GFM2: variants seen among roughly 807,000 people sequenced by gnomAD.
The protein encoded by GFM2 is ribosome-releasing factor 2, mitochondrial.
In GFM2, 72 loss-of-function variants were observed where a neutral mutation model predicts 95.4. That is an observed-to-expected ratio of 0.76 (90% CI 0.62 to 0.92). The LOEUF is 0.92. Ranked by LOEUF, GFM2 falls within the 40% of genes least tolerant of loss-of-function variation. The pLI, the probability that GFM2 is intolerant of heterozygous loss-of-function variation, is 0.00. For missense variants in GFM2, 825 were observed against 924.1 expected (o/e 0.89, Z 1.39); for synonymous variants, 276 against 317.5 (o/e 0.87, Z 1.39).
At chr5:74,752,078 A>G (rs1743745512) in intron 5 of GFM2, among the ~76,000 whole-genome samples, 2 of 152,280 alleles carry the variant, frequency 1.3e-5, no homozygotes, top group South Asian at 4.1e-4. Context: ...ATCCAATATT[A>G]AATTATCCTT....
Position 74,722,511 on chromosome 5 carries a change from C to A in GFM2, c.2079G>T (p.Glu693Asp). ...TGAGATAATCTCTAGCTACTGTAACCTCAAGATTCATCAGAGGCTCCAAAA... is the reference window on the plus strand; with the variant it reads ...TGAGATAATCTCTAGCTACTGTAACATCAAGATTCATCAGAGGCTCCAAAA... Reference protein sequence around the residue: ...KQVLEPLMNLEVTVARDYLSP... With the variant: ...KQVLEPLMNLDVTVARDYLSP... Residue 693 changes from glutamate (E) to aspartate (D), a missense_variant, in exon 20 of 21, where the codon GAG (glutamate) becomes GAT (aspartate). By Grantham distance (45) the Glu-to-Asp change is conservative. Transcript: ENST00000296805. 6.2e-7 allele frequency: 1 copy of A among 1,613,934 alleles called. No homozygotes were observed. The highest frequency in any genetic ancestry group is 8.5e-7 in the Non-Finnish European group (1 of 1,179,914).
At chr5:74,758,974 C>A in intron 4 of GFM2, 28 bp from the exon 5 acceptor site, 1 of 1,454,650 alleles carries the variant, frequency 6.9e-7, no homozygotes, top group South Asian at 1.1e-5. Context: ...ATAAGGTAAA[C>A]TTTACTAAAA....
intron 10 of GFM2, among the ~76,000 whole-genome samples, chr5:74,742,613 T>A (rs1743167866): frequency 6.6e-6 from 1 of 152,216 alleles, no homozygotes; most frequent in Non-Finnish European, 1.5e-5. Context: ...ATCCACTAAT[T>A]TAAAGGAAAA....
intron 4 of GFM2, 132 bp downstream of exon 4, chr5:74,759,237 T>G (rs910789887): frequency 1.5e-6 from 1 of 656,276 alleles, no homozygotes; most frequent in East Asian, 2.6e-5. Flanking sequence ...TAAGATACAT[T>G]ATCAACATCT....
At chr5:74,739,858 T>C (rs1247813928) in intron 12 of GFM2, 131 bp downstream of exon 12, 1 of 615,156 alleles carries the variant, frequency 1.6e-6, no homozygotes, top group Non-Finnish European at 2.6e-6. Flanking sequence ...CTATGATTCC[T>C]TATTACATCA....
chr5:74,754,527 T>A (rs1030416995), intron 5 of GFM2, among the ~76,000 whole-genome samples: 2 of 152,090 alleles, frequency 1.3e-5, no homozygotes, highest in African/African-American at 4.8e-5. Flanking sequence ...AGATACCCCA[T>A]GCTAACGGAC....
intron 11 of GFM2, 150 bp from the exon 12 acceptor site, chr5:74,740,287 C>A (rs1743050252): frequency 1.8e-6 from 1 of 542,928 alleles, no homozygotes; most frequent in African/African-American, 2.0e-5. Context: ...ACACTCATCA[C>A]TATCTGGATG....
intron 5 of GFM2, among the ~76,000 whole-genome samples, chr5:74,751,837 C>T (rs1241301476): frequency 6.6e-6 from 1 of 152,092 alleles, no homozygotes; most frequent in African/African-American, 2.4e-5. Flanking sequence ...GATAGGAGGC[C>T]GAGTGGTACA....
chr5:74,760,025 A>G (rs575275529), intron 3 of GFM2, among the ~76,000 whole-genome samples: 3 of 152,320 alleles, frequency 2.0e-5, no homozygotes, highest in Admixed American at 2.0e-4. Context: ...GGCTTATTCT[A>G]TGCTTAATAT....
rs535593621 is a variant in GFM2, at chr5:74,745,493, G to A, written c.849+185C>T. ...TAATTTAGAAATGATTTAAAGTATA[G>A]AGGAAGACATCAATAGGTTATATGC... On this transcript the variant is annotated intron_variant, in intron 10 of 20. Coordinates refer to ENST00000296805, the MANE Select transcript of GFM2 (RefSeq NM_032380.5). Among the ~76,000 whole-genome samples the A allele has an allele frequency of 5.1e-3, 782 of 152,252 alleles. 9 individuals are homozygous for A. The highest frequency in any genetic ancestry group is 6.7e-3 in the Non-Finnish European group (458 of 68,020).
At chr5:74,740,820 T>C (rs1259084177) in intron 11 of GFM2, among the ~76,000 whole-genome samples, 1 of 152,196 alleles carries the variant, frequency 6.6e-6, no homozygotes, top group Non-Finnish European at 1.5e-5. Context: ...CTCAATAACA[T>C]GTTTCAGCTC....
At chr5:74,761,685 G>A (rs1468109671) in intron 2 of GFM2, among the ~76,000 whole-genome samples, 2 of 152,052 alleles carry the variant, frequency 1.3e-5, no homozygotes, top group Non-Finnish European at 2.9e-5. Flanking sequence ...AGTTAGAGCA[G>A]GTCTGCTTAA....
At chr5:74,764,435 C>T (rs1744438063) in intron 1 of GFM2, among the ~76,000 whole-genome samples, 1 of 152,138 alleles carries the variant, frequency 6.6e-6, no homozygotes, top group Admixed American at 6.5e-5. Flanking sequence ...ATGCGGCCCA[C>T]GATATCTTTA....
chr5:74,756,709 C>T (rs1389388194), intron 5 of GFM2, among the ~76,000 whole-genome samples: 1 of 151,930 alleles, frequency 6.6e-6, no homozygotes, highest in African/African-American at 2.4e-5. Flanking sequence ...GAATACTACT[C>T]AGTCATAAAA....
At chr5:74,756,105 A>G (rs1743965914) in intron 5 of GFM2, among the ~76,000 whole-genome samples, 1 of 152,194 alleles carries the variant, frequency 6.6e-6, no homozygotes, top group Non-Finnish European at 1.5e-5. Flanking sequence ...TTAAAAACAA[A>G]AATCACATGA....
intron 19 of GFM2, among the ~76,000 whole-genome samples, chr5:74,724,636 T>C (rs1037268484): frequency 2.0e-5 from 3 of 152,200 alleles, no homozygotes; most frequent in African/African-American, 7.2e-5. Context: ...TTAAGAAGTA[T>C]AAATTTAAAC....
intron 3 of GFM2, among the ~76,000 whole-genome samples, chr5:74,760,339 C>A (rs1367114742): frequency 6.6e-6 from 1 of 152,114 alleles, no homozygotes; most frequent in Admixed American, 6.6e-5. Flanking sequence ...ATTATTCTCA[C>A]ATGACAAACA....
intron 5 of GFM2, among the ~76,000 whole-genome samples, chr5:74,755,760 T>A (rs112808420): frequency 0.019 from 2,911 of 152,264 alleles, 32 homozygotes; most frequent in Middle Eastern, 0.048. Context: ...TAGGACCAGA[T>A]GGATTTGCAG....
chr5:74,731,788 CAT>C (rs1742575940), intron 16 of GFM2, among the ~76,000 whole-genome samples: 1 of 151,998 alleles, frequency 6.6e-6, no homozygotes, highest in African/African-American at 2.4e-5. Flanking sequence ...AGCAGAAGAA[CAT>C]ATGTTTGGGT....
Sources: gnomAD v4.1 joint callset for allele counts (sites outside exome capture counted in the v4.1 genomes callset) on GRCh38, gnomAD v4.1.1 for gene constraint, MANE v1.5 for transcripts, NCBI Gene and HGNC (gene_info 2026-07-23, HGNC 2026-07-21) for gene names.